Variants in DENND5A observed in about 807,000 individuals in gnomAD.
The protein encoded by DENND5A is DENN domain containing 5A.
DENND5A carries 64 observed loss-of-function variants against 140.3 expected under a neutral mutation model. That is an observed-to-expected ratio of 0.46 (90% CI 0.37 to 0.56). The LOEUF is 0.56. Ranked by LOEUF, DENND5A falls within the 20% of genes least tolerant of loss-of-function variation. The probability of loss-of-function intolerance (pLI) is 0.00; values close to 1 mark genes in which losing one functional copy is unlikely to be tolerated. For missense variants in DENND5A, 1,292 were observed against 1,593.8 expected (o/e 0.81, Z 3.22); for synonymous variants, 605 against 607.7 (o/e 1.00, Z 0.07).
chr11:9,148,669 T>TGGTGC (rs1478013477), intron 15 of DENND5A, among the ~76,000 whole-genome samples: 2 of 152,126 alleles, frequency 1.3e-5, no homozygotes, highest in Admixed American at 1.3e-4. Context: ...GGGGGTAAGC[T>TGGTGC]TTTCAGAGAG....
In DENND5A at chr11:9,193,683, T is replaced by G. The variant is rs1302890625; in HGVS notation, c.950-2A>C. 1.3e-6 allele frequency: 2 copies of G among 1,599,938 alleles called. No homozygotes were observed. The highest frequency in any genetic ancestry group is 1.7e-6 in the Non-Finnish European group (2 of 1,174,392). On this transcript the variant is annotated splice_acceptor_variant, in intron 4 of 22. Transcript: ENST00000328194. LOFTEE classifies it high-confidence loss of function. ...CCACAGTCATCAGTCTCTGGTAATCTGGGTCAACAACAACAAAAAAAGCAC... is the reference window on the plus strand; with the variant it reads ...CCACAGTCATCAGTCTCTGGTAATCGGGGTCAACAACAACAAAAAAAGCAC...
chr11:9,241,652 C>CT (rs1255304932), intron 1 of DENND5A, among the ~76,000 whole-genome samples: 2 of 152,188 alleles, frequency 1.3e-5, no homozygotes, highest in Non-Finnish European at 1.5e-5. Context: ...TGGCTCACTC[C>CT]TTTGACTCCT....
chr11:9,220,328 A>C (rs1237403812), intron 1 of DENND5A, among the ~76,000 whole-genome samples: 1 of 152,136 alleles, frequency 6.6e-6, no homozygotes, highest in African/African-American at 2.4e-5. Flanking sequence ...CGGGCAGATC[A>C]CCTGAGGTCA....
At chr11:9,218,573 A>C (rs1406184178) in intron 1 of DENND5A, among the ~76,000 whole-genome samples, 1 of 151,912 alleles carries the variant, frequency 6.6e-6, no homozygotes, top group Non-Finnish European at 1.5e-5. Flanking sequence ...AAAATACAAA[A>C]ATTAGCTGGG....
chr11:9,142,746 T>A lies in DENND5A; in HGVS notation c.3487A>T (p.Asn1163Tyr). Residue 1163 changes from asparagine to tyrosine, a missense_variant, in exon 21 of 23, where the codon AAT becomes TAT. By Grantham distance (143) the Asn-to-Tyr change is moderately radical (BLOSUM62 -2). This residue lies in a region of DENND5A where 498 missense variants were observed against 689.7 expected (regional missense o/e 0.72). Transcript: ENST00000328194. The part of the protein sequence containing the change: ...HGFKSPRLFK[N>Y]VFIWDFLEKA... Reference sequence around the variant, plus strand: ...CCCAGGAAATCCCAAATGAAGACATTTTTGAAGAGCCGGGGCGATTTAAAT... The same window carrying A: ...CCCAGGAAATCCCAAATGAAGACATATTTGAAGAGCCGGGGCGATTTAAAT... The A allele has an allele frequency of 6.2e-7, 1 of 1,614,086 alleles. No individual in the cohort carries two copies. Among genetic ancestry groups the A allele is most frequent in the Non-Finnish European group, 8.5e-7 (1 of 1,179,998 alleles).
Position 9,145,104 on chromosome 11 carries a change from A to T in DENND5A, c.3013T>A (p.Leu1005Met), listed in dbSNP as rs151179105. 1.6e-5 allele frequency: 25 copies of T among 1,611,328 alleles called. No homozygotes were observed. The highest frequency in any genetic ancestry group is 2.0e-5 in the Non-Finnish European group (23 of 1,177,436). Residue 1005 changes from leucine to methionine, a missense_variant, in exon 18 of 23, where the codon TTG (leucine) becomes ATG (methionine). Leu to Met is a conservative substitution (Grantham distance 15). This residue lies in a region of DENND5A where 498 missense variants were observed against 689.7 expected (regional missense o/e 0.72). Transcript: ENST00000328194. Reference protein sequence around the residue: ...VLEMTFECQNLGKLTTVQIGH... With the variant: ...VLEMTFECQNMGKLTTVQIGH... ...ATCTGGACAGTAGTAAGCTTCCCCAAGTTCTGGCACTATTAGAGAATAGAG... is the reference window on the plus strand; with the variant it reads ...ATCTGGACAGTAGTAAGCTTCCCCATGTTCTGGCACTATTAGAGAATAGAG...
chr11:9,153,296 G>A (rs1847690905), intron 12 of DENND5A, among the ~76,000 whole-genome samples: 1 of 126,876 alleles, frequency 7.9e-6, no homozygotes, highest in South Asian at 2.5e-4. Flanking sequence ...AGTGAGCCAG[G>A]ATCATGCCGC....
chr11:9,170,951 A>C (rs1848353369), intron 8 of DENND5A, 174 bp from the exon 9 acceptor site: 1 of 1,140,560 alleles, frequency 8.8e-7, no homozygotes. Flanking sequence ...AATAATATAA[A>C]ATGATAAACT....
chr11:9,178,164 A>G lies in DENND5A; in HGVS notation c.1874T>C (p.Met625Thr), dbSNP rs377562338. 1.5e-5 allele frequency: 24 copies of G among 1,613,984 alleles called. No homozygotes were observed. Among genetic ancestry groups the G allele is most frequent in the Non-Finnish European group, 1.9e-5 (23 of 1,179,910 alleles). The change falls in exon 8 of 23, where the codon ATG becomes ACG. Residue 625 changes from methionine (M) to threonine (T), a missense_variant. Physicochemically the swap from Met to Thr is moderately conservative, Grantham distance 81 (BLOSUM62 -1). Transcript: ENST00000328194. ...NVRTPTLRTS[M>T]YQKCTTVDEA... is the part of the protein sequence containing the mutation. ...ATCCACAGTGGTACACTTCTGGTAC[A>G]TGGATGTACGGAGAGTAGGTGTCCG...
chr11:9,169,486 T>TAC (rs1195918945), intron 10 of DENND5A, among the ~76,000 whole-genome samples: 2 of 114,350 alleles, frequency 1.7e-5, no homozygotes, highest in African/African-American at 7.2e-5. Context: ...TTTTTTCCTA[T>TAC]ATACACACGC....
chr11:9,182,086 G>A (rs1848750870), intron 5 of DENND5A, among the ~76,000 whole-genome samples: 1 of 152,194 alleles, frequency 6.6e-6, no homozygotes, highest in South Asian at 2.1e-4. Context: ...TTGGGAGGCT[G>A]AGGCAGATCA....
intron 8 of DENND5A, among the ~76,000 whole-genome samples, chr11:9,176,160 G>T (rs1320564095): frequency 2.6e-5 from 4 of 152,184 alleles, no homozygotes; most frequent in African/African-American, 7.2e-5. Context: ...CTTTAACTCA[G>T]TTAGAACATA....
At chr11:9,227,014 C>T (rs1209615803) in intron 1 of DENND5A, among the ~76,000 whole-genome samples, 1 of 151,808 alleles carries the variant, frequency 6.6e-6, no homozygotes, top group Non-Finnish European at 1.5e-5. Flanking sequence ...ACTAAAAATA[C>T]AAAATTAGCC....
At chr11:9,157,007 T>C (rs540145804) in intron 12 of DENND5A, among the ~76,000 whole-genome samples, 183 of 152,242 alleles carry the variant, frequency 1.2e-3, no homozygotes, top group African/African-American at 4.2e-3. Flanking sequence ...GAACATATAA[T>C]GATACGATAC....
chr11:9,173,549 C>A (rs1185533993), intron 8 of DENND5A, among the ~76,000 whole-genome samples: 1 of 152,164 alleles, frequency 6.6e-6, no homozygotes, highest in Non-Finnish European at 1.5e-5. Context: ...GAGACAGGGT[C>A]TCATCATGTG....
At chr11:9,143,514 C>G in intron 19 of DENND5A, 29 bp from the exon 20 acceptor site, 1 of 1,577,878 alleles carries the variant, frequency 6.3e-7, no homozygotes, top group Non-Finnish European at 8.7e-7. Context: ...ACATCCCTAA[C>G]CAATCTCTGA....
intron 8 of DENND5A, chr11:9,171,001 G>A (rs1848355754): frequency 1.5e-6 from 1 of 689,440 alleles, no homozygotes; most frequent in South Asian, 2.1e-5. Flanking sequence ...GCAGGACCCT[G>A]AGAAACAGGT....
intron 1 of DENND5A, among the ~76,000 whole-genome samples, chr11:9,258,834 T>A (rs1852066342): frequency 6.6e-6 from 1 of 152,238 alleles, no homozygotes; most frequent in African/African-American, 2.4e-5. Flanking sequence ...TGCTTTCATG[T>A]TAACATTCGA....
At chr11:9,204,386 CTATTTATTTAT>C in intron 3 of DENND5A, 69 bp from the exon 4 acceptor site, 1 of 1,459,660 alleles carries the variant, frequency 6.9e-7, no homozygotes, top group East Asian at 2.3e-5. Flanking sequence ...AACACCATCA[CTATTTATTTAT>C]TTATAGAGCA....
Sources: gnomAD v4.1 joint callset for allele counts (sites outside exome capture counted in the v4.1 genomes callset) on GRCh38, gnomAD v4.1.1 for gene constraint, gnomAD v4.1.1 regional missense constraint, MANE v1.5 for transcripts, NCBI Gene and HGNC (gene_info 2026-07-23, HGNC 2026-07-21) for gene names.